GPHN: variants seen among roughly 807,000 people sequenced by gnomAD.
The protein encoded by GPHN is gephyrin.
GPHN carries 17 observed loss-of-function variants against 95.5 expected under a neutral mutation model. That is an observed-to-expected ratio of 0.18 (90% CI 0.12 to 0.27). The LOEUF (loss-of-function observed/expected upper bound fraction) is 0.27, where lower values mean the gene tolerates loss of function less well. Among genes scored for constraint, GPHN ranks in the 10% least tolerant of loss-of-function variants. GPHN has a pLI of 1.00. For missense variants in GPHN, 660 were observed against 978.1 expected (o/e 0.67, Z 4.34); for synonymous variants, 320 against 322.5 (o/e 0.99, Z 0.08).
intron 2 of GPHN, among the ~76,000 whole-genome samples, chr14:66,687,709 T>G (rs1243896178): frequency 6.6e-6 from 1 of 151,936 alleles, no homozygotes; most frequent in African/African-American, 2.4e-5. Flanking sequence ...GGCTGGTCTC[T>G]AACTCCTGAC....
intron 17 of GPHN, among the ~76,000 whole-genome samples, chr14:67,130,517 C>T (rs957971698): frequency 6.6e-6 from 1 of 152,026 alleles, no homozygotes; most frequent in Admixed American, 6.6e-5. Flanking sequence ...TCCAGTCCAC[C>T]ATTGAAGAGC....
intron 4 of GPHN, among the ~76,000 whole-genome samples, chr14:66,857,537 C>T (rs992128148): frequency 6.6e-6 from 1 of 152,018 alleles, no homozygotes; most frequent in Non-Finnish European, 1.5e-5. Flanking sequence ...AAGGAAATAA[C>T]GAGAATTGTT....
At chr14:67,080,201 A>G (rs1341089947) in intron 11 of GPHN, among the ~76,000 whole-genome samples, 3 of 152,010 alleles carry the variant, frequency 2.0e-5, no homozygotes, top group South Asian at 2.1e-4. Flanking sequence ...CTCATTGGCT[A>G]TTTGTATAGC....
chr14:66,686,946 A>C (rs1276496914), intron 2 of GPHN, among the ~76,000 whole-genome samples: 1 of 152,100 alleles, frequency 6.6e-6, no homozygotes, highest in Non-Finnish European at 1.5e-5. Context: ...ATTTGTTGAG[A>C]GTTTTTAGCA....
the GPHN span, chr14:67,388,258 G>A: frequency 4.4e-5 from 71 of 1,613,340 alleles, no homozygotes; most frequent in African/African-American, 2.3e-4. Flanking sequence ...GAGCAGACAC[G>A]AGTGAACCAC....
At chr14:66,580,477 G>A in intron 1 of GPHN, among the ~76,000 whole-genome samples, 1 of 127,256 alleles carries the variant, frequency 7.9e-6, no homozygotes, top group East Asian at 2.5e-4. Flanking sequence ...ATAGTGAAGA[G>A]TTAAAGAAAA....
the GPHN span, among the ~76,000 whole-genome samples, chr14:67,370,681 G>A: frequency 6.6e-6 from 1 of 152,150 alleles, no homozygotes; most frequent in African/African-American, 2.4e-5. Flanking sequence ...AATTTTGAGT[G>A]TCCTATATGT....
At chr14:66,921,858 T>C (rs1287365351) in intron 6 of GPHN, among the ~76,000 whole-genome samples, 3 of 152,024 alleles carry the variant, frequency 2.0e-5, no homozygotes, top group African/African-American at 7.2e-5. Context: ...GGTATAAAAA[T>C]AGGCACATAG....
At chr14:66,988,785 T>A (rs2071199569) in intron 9 of GPHN, among the ~76,000 whole-genome samples, 1 of 151,968 alleles carries the variant, frequency 6.6e-6, no homozygotes, top group Admixed American at 6.6e-5. Context: ...AATCTCTAAA[T>A]TGGTTTTGGT....
chr14:66,947,581 TG>T (rs1297331282), intron 8 of GPHN, among the ~76,000 whole-genome samples: 1 of 152,182 alleles, frequency 6.6e-6, no homozygotes, highest in Non-Finnish European at 1.5e-5. Context: ...TCATTCGTCT[TG>T]ATGGAATCAA....
chr14:66,751,072 T>A (rs2058346379), intron 2 of GPHN, among the ~76,000 whole-genome samples: 1 of 151,828 alleles, frequency 6.6e-6, no homozygotes, highest in African/African-American at 2.4e-5. Flanking sequence ...ATTGAAAAAA[T>A]TTTAGTACTT....
At chr14:67,123,176 A>G (rs2079107361) in intron 17 of GPHN, among the ~76,000 whole-genome samples, 1 of 152,226 alleles carries the variant, frequency 6.6e-6, no homozygotes, top group Non-Finnish European at 1.5e-5. Flanking sequence ...TGATGTATCT[A>G]TCACCCATAA....
At chr14:67,470,994 C>T in the GPHN span, 1 of 152,218 alleles carries the variant, frequency 6.6e-6, no homozygotes, top group Non-Finnish European at 1.5e-5. Flanking sequence ...TGGGCTATCC[C>T]TGGTGAGATC....
At position 66,724,573 on chromosome 14, in the gene GPHN, T is replaced by C. The variant is rs151249762; in HGVS notation, c.143+43388T>C. Among the ~76,000 whole-genome samples, 203 of 151,974 alleles carry C rather than the reference T, an allele frequency of 1.3e-3. 1 individual carries two copies. Among genetic ancestry groups the C allele is most frequent in the African/African-American group, 4.5e-3 (187 of 41,470 alleles). ...GGGGTAGATAGAGGGATGCAGGAGG[T>C]AGGGGCTTGGAGAGAGGAATATCAA... is the stretch of plus-strand genomic sequence containing the variant. On this transcript the variant is annotated intron_variant, in intron 2 of 22. Coordinates refer to ENST00000478722, the MANE Select transcript of GPHN (RefSeq NM_020806.5).
chr14:67,109,985 G>A (rs1359695948), intron 13 of GPHN, among the ~76,000 whole-genome samples, 155 bp from the exon 14 acceptor site: 1 of 152,136 alleles, frequency 6.6e-6, no homozygotes, highest in Non-Finnish European at 1.5e-5. Flanking sequence ...GCACCTGTTT[G>A]TGGATAGCTT....
the GPHN span, chr14:67,613,824 C>T: frequency 0.031 from 5,301 of 172,152 alleles, 249 homozygotes; most frequent in African/African-American, 0.11. Flanking sequence ...AAATCACTAC[C>T]GCTTTGCAAT....
chr14:67,194,879 A>G, the GPHN span, among the ~76,000 whole-genome samples: 1 of 152,086 alleles, frequency 6.6e-6, no homozygotes, highest in African/African-American at 2.4e-5. Context: ...GCTGATCTTG[A>G]ACTCCTGACC....
chr14:66,838,354 A>C (rs956715632), intron 4 of GPHN, among the ~76,000 whole-genome samples: 1 of 152,068 alleles, frequency 6.6e-6, no homozygotes, highest in African/African-American at 2.4e-5. Flanking sequence ...TGGTGGAATA[A>C]ATATTATAAG....
chr14:67,383,145 C>G, the GPHN span, among the ~76,000 whole-genome samples: 1 of 152,078 alleles, frequency 6.6e-6, no homozygotes, highest in Non-Finnish European at 1.5e-5. Flanking sequence ...AGTTTCACCT[C>G]TTATTTATGT....
Sources: gnomAD v4.1 joint callset for allele counts (sites outside exome capture counted in the v4.1 genomes callset) on GRCh38, gnomAD v4.1.1 for gene constraint, MANE v1.5 for transcripts, NCBI Gene and HGNC (gene_info 2026-07-23, HGNC 2026-07-21) for gene names.